The following ENGASE variants were observed in gnomAD, a reference collection of about 807,000 sequenced individuals.
ENGASE encodes the protein cytosolic endo-beta-N-acetylglucosaminidase.
In ENGASE, 69 loss-of-function variants were observed where a neutral mutation model predicts 78.5. The observed-to-expected ratio is 0.88, with a 90% confidence interval of 0.72 to 1.07. The LOEUF (loss-of-function observed/expected upper bound fraction) is 1.07, where lower values mean the gene tolerates loss of function less well. ENGASE is among the 50% of genes least tolerant of loss of function. ENGASE has a pLI of 0.00. For synonymous variants in ENGASE, 408 were observed against 408.9 expected, an observed-to-expected ratio of 1.00 and a Z score of 0.03; for missense variants, 943 against 988.4, an observed-to-expected ratio of 0.95 and a Z score of 0.62.
rs760147289 is a variant in ENGASE at position 79,077,743 on chromosome 17, C to T, written c.295C>T (p.Arg99Cys). 2.5e-5 allele frequency: 41 copies of T among 1,614,066 alleles called. No homozygotes were observed. Among genetic ancestry groups the T allele is most frequent in the Non-Finnish European group, 2.9e-5 (34 of 1,180,050 alleles). The change falls in exon 3 of 14, where the codon CGC becomes TGC. Residue 99 changes from arginine to cysteine, a missense_variant. Coordinates refer to ENST00000579016, the MANE Select transcript of ENGASE (RefSeq NM_001042573.3). Reference protein sequence around the residue: ...SLEELLAWKPRLEDGFNVALE... With the variant: ...SLEELLAWKPCLEDGFNVALE... Reference sequence around the variant, plus strand: ...GGAGGAGCTCTTGGCGTGGAAGCCCCGCTTGGAGGATGGCTTTAATGTGGC... The same window carrying T: ...GGAGGAGCTCTTGGCGTGGAAGCCCTGCTTGGAGGATGGCTTTAATGTGGC...
At chr17:79,085,887 C>A in intron 13 of ENGASE, 46 bp from the exon 14 acceptor site, 1 of 1,573,542 alleles carries the variant, frequency 6.4e-7, no homozygotes, top group South Asian at 1.2e-5. Flanking sequence ...GGCACCCTCT[C>A]CCCGCCCCCG....
chr17:79,079,715 C>G, intron 4 of ENGASE, 78 bp downstream of exon 4: 2 of 1,543,872 alleles, frequency 1.3e-6, no homozygotes, highest in Non-Finnish European at 1.7e-6. Flanking sequence ...TTAGGAGGCA[C>G]GGGCTTTGCC....
In ENGASE at chr17:79,083,398, G is replaced by C. The variant is rs1271506702; in HGVS notation, c.1143-84G>C. ...GTCTTGGAGGGTGCAGGAGAGCCTC[G>C]AGTTTCCACCAGCAAGTTTGAGGGA... On this transcript the variant is annotated intron_variant, in intron 8 of 13. Coordinates refer to ENST00000579016, the MANE Select transcript of ENGASE (RefSeq NM_001042573.3). The surrounding 1 kb of genome is among the most constrained non-coding windows in gnomAD (Gnocchi z 4.9). 3 of 1,065,096 alleles carry C rather than the reference G, an allele frequency of 2.8e-6. No individual in the cohort carries two copies. Among genetic ancestry groups the C allele is most frequent in the Non-Finnish European group, 2.8e-6 (2 of 712,032 alleles). 66.0% of individuals were successfully genotyped at this position (1,065,096 alleles called of 1,614,324 possible). A position where few individuals can be genotyped will look rare whatever the true frequency, so the allele number is the denominator to read the frequency against.
intron 7 of ENGASE, chr17:79,082,691 C>T (rs777144325): frequency 2.2e-6 from 3 of 1,341,648 alleles, no homozygotes; most frequent in South Asian, 1.2e-5. Context: ...AACTAAAGAG[C>T]CTCTTTACTG....
Position 79,074,991 on chromosome 17 carries a change from G to A in ENGASE, c.47G>A (p.Arg16Gln). 1 of 1,229,022 alleles carries A rather than the reference G, an allele frequency of 8.1e-7. No individual in the cohort carries two copies. The highest frequency in any genetic ancestry group is 1.0e-6 in the Non-Finnish European group (1 of 985,144). 76.1% of individuals were successfully genotyped at this position (1,229,022 alleles called of 1,614,324 possible). A position where few individuals can be genotyped will look rare whatever the true frequency, so the allele number is the denominator to read the frequency against. ...VTVTRSATRR[R>Q]RRQLQGLAAP... ...GTCACCCGGTCGGCTACACGGCGGCGGCGGCGGCAGCTGCAGGGGCTGGCG... is the reference window on the plus strand; with the variant it reads ...GTCACCCGGTCGGCTACACGGCGGCAGCGGCGGCAGCTGCAGGGGCTGGCG... The change falls in exon 1 of 14, where the codon CGG becomes CAG. Residue 16 changes from arginine (R) to glutamine (Q), a missense_variant. Physicochemically the swap from Arg to Gln is conservative, Grantham distance 43 (BLOSUM62 1). Transcript: ENST00000579016.
In ENGASE at chr17:79,081,508, G is replaced by A. The variant is rs1298785369; in HGVS notation, c.873-390G>A. On this transcript the variant is annotated intron_variant, in intron 6 of 13. Coordinates refer to ENST00000579016, the MANE Select transcript of ENGASE (RefSeq NM_001042573.3). ...CAGAGCGAGACTCTGTCTCAAAAAG[G>A]CAGAGTTCTCTTAACATCCTGAGCC... Among the ~76,000 whole-genome samples, 4 of 152,050 alleles carry A rather than the reference G, an allele frequency of 2.6e-5. No individual in the cohort carries two copies. In the South Asian group the frequency reaches 8.3e-4, roughly 32 times the overall value.
Position 79,077,664 on chromosome 17 carries a change from TAGA to T in ENGASE, c.217_219del (p.Arg73del). The stretch of plus-strand genomic sequence containing the variant: ...TCAATGTTTCTGTCCTCGGACCAGT[TAGA>T]TATTATGACAAGGACACCACCAAAC... On this transcript the variant is annotated inframe_deletion and splice_region_variant, in exon 3 of 14. Transcript: ENST00000579016. 1 of 1,614,168 alleles carries T rather than the reference TAGA, an allele frequency of 6.2e-7. No individual in the cohort carries two copies. Among genetic ancestry groups the T allele is most frequent in the Non-Finnish European group, 8.5e-7 (1 of 1,180,002 alleles).
Position 79,075,066 on chromosome 17 carries a change from C to CGCGGCG in ENGASE, c.131_136dup (p.Arg44_Arg45dup), listed in dbSNP as rs1321473205. 2 of 1,203,440 alleles carry CGCGGCG rather than the reference C, an allele frequency of 1.7e-6. No homozygotes were observed. Among genetic ancestry groups the CGCGGCG allele is most frequent in the African/African-American group, 3.2e-5 (2 of 63,408 alleles). The allele number at this position is 1,203,440 out of a possible 1,614,324, so 74.5% of individuals were successfully genotyped here. On this transcript the variant is annotated inframe_insertion, in exon 1 of 14. Coordinates refer to ENST00000579016, the MANE Select transcript of ENGASE (RefSeq NM_001042573.3). The stretch of plus-strand genomic sequence containing the variant: ...GAGCAGGAGGATCAGGAGCCGCGGC[C>CGCGGCG]GCGGCGGCGGCGGCCGGGAAGGAGG...
In ENGASE at chr17:79,087,030, G is replaced by T. The variant is rs755933900; in HGVS notation, c.*681G>T. ...TGCTGCTGAGTGTGAGGTCATCTCCGGAGCGTTTTCAGCAGCCCCTGGCTC... is the reference window on the plus strand; with the variant it reads ...TGCTGCTGAGTGTGAGGTCATCTCCTGAGCGTTTTCAGCAGCCCCTGGCTC... On this transcript the variant is annotated 3_prime_UTR_variant, in exon 14 of 14. Transcript: ENST00000579016. 1 of 495,656 alleles carries T rather than the reference G, an allele frequency of 2.0e-6. No individual in the cohort carries two copies. The highest frequency in any genetic ancestry group is 4.0e-6 in the Non-Finnish European group (1 of 248,626). 30.7% of individuals were successfully genotyped at this position (495,656 alleles called of 1,614,324 possible). A position where few individuals can be genotyped will look rare whatever the true frequency, so the allele number is the denominator to read the frequency against.
intron 3 of ENGASE, among the ~76,000 whole-genome samples, chr17:79,078,504 C>G (rs1408402854): frequency 1.3e-5 from 2 of 152,172 alleles, no homozygotes; most frequent in African/African-American, 4.8e-5. Flanking sequence ...TGTCCGCAGC[C>G]TCACCCCCTC....
rs576177650 is a variant in ENGASE, at chr17:79,084,063, C to T, written c.1442+112C>T. 27 of 934,208 alleles carry T rather than the reference C, an allele frequency of 2.9e-5. No homozygotes were observed. The East Asian group carries it at 6.9e-4, about 24-fold the overall frequency. The allele number at this position is 934,208 out of a possible 1,614,324, so 57.9% of individuals were successfully genotyped here. A position where few individuals can be genotyped will look rare whatever the true frequency, so the allele number is the denominator to read the frequency against. Reference sequence around the variant, plus strand: ...GCCAGAACAAGGACAGAGGACAGACCCAGATGGGTTTTTTAAAATTGTGAT... The same window carrying T: ...GCCAGAACAAGGACAGAGGACAGACTCAGATGGGTTTTTTAAAATTGTGAT... On this transcript the variant is annotated intron_variant, in intron 10 of 13. Transcript: ENST00000579016.
At chr17:79,080,446 C>T in intron 5 of ENGASE, 82 bp downstream of exon 5, 1 of 1,528,562 alleles carries the variant, frequency 6.5e-7, no homozygotes, top group Non-Finnish European at 8.9e-7. Flanking sequence ...TTGGCCTCAC[C>T]TCGCCCCACG....
intron 5 of ENGASE, 57 bp downstream of exon 5, chr17:79,080,421 C>T (rs2145984558): frequency 6.3e-7 from 1 of 1,587,714 alleles, no homozygotes; most frequent in Non-Finnish European, 8.6e-7. Context: ...CGCCCACCTC[C>T]ACCTCTTTCC....
rs2072934979 is a variant in ENGASE at position 79,075,081 on chromosome 17, C to A, written c.137C>A (p.Pro46Gln). 3 of 1,207,016 alleles carry A rather than the reference C, an allele frequency of 2.5e-6. No individual in the cohort carries two copies. The highest frequency in any genetic ancestry group is 3.1e-6 in the Non-Finnish European group (3 of 970,936). 74.8% of individuals were successfully genotyped at this position (1,207,016 alleles called of 1,614,324 possible). Residue 46 changes from proline (P) to glutamine (Q), a missense_variant, in exon 1 of 14, where the codon CCG (proline) becomes CAG (glutamine). Pro to Gln is a moderately conservative substitution (Grantham distance 76). Coordinates refer to ENST00000579016, the MANE Select transcript of ENGASE (RefSeq NM_001042573.3). ...GAGCCGCGGCCGCGGCGGCGGCGGC[C>A]GGGAAGGAGGTGGGGCTGCGGGGCC... is the stretch of plus-strand genomic sequence containing the variant. Reference protein sequence around the residue: ...DQEPRPRRRRPGRSIKDEEEE... With the variant: ...DQEPRPRRRRQGRSIKDEEEE...
chr17:79,086,717 T>A lies in ENGASE; in HGVS notation c.*368T>A, dbSNP rs1721659958. 2.6e-6 allele frequency: 1 copy of A among 385,950 alleles called. No individual in the cohort carries two copies. The highest frequency in any genetic ancestry group is 2.1e-5 in the African/African-American group (1 of 48,066). 23.9% of individuals were successfully genotyped at this position (385,950 alleles called of 1,614,324 possible). On this transcript the variant is annotated 3_prime_UTR_variant, in exon 14 of 14. Coordinates refer to ENST00000579016, the MANE Select transcript of ENGASE (RefSeq NM_001042573.3). ...TGCAAGATGCTGATGCCGAGAATGA[T>A]GATTTTCTTTCCTGCAGATGAAACT...
In ENGASE at chr17:79,085,942, G is replaced by A. The variant is rs1342108897; in HGVS notation, c.1825G>A (p.Ala609Thr). 1.9e-6 allele frequency: 3 copies of A among 1,595,692 alleles called. No homozygotes were observed. Among genetic ancestry groups the A allele is most frequent in the Non-Finnish European group, 8.5e-7 (1 of 1,174,690 alleles). The change falls in exon 14 of 14, where the codon GCT (alanine) becomes ACT (threonine). Residue 609 changes from alanine to threonine, a missense_variant. Physicochemically the swap from Ala to Thr is moderately conservative, Grantham distance 58 (BLOSUM62 0). Coordinates refer to ENST00000579016, the MANE Select transcript of ENGASE (RefSeq NM_001042573.3). Reference sequence around the variant, plus strand: ...CCTTCTCTCCTGCCAGGTGGTGGACGCTGCCAGCCTGCTGGCCCCTCTGCC... The same window carrying A: ...CCTTCTCTCCTGCCAGGTGGTGGACACTGCCAGCCTGCTGGCCCCTCTGCC... ...CRLGEIQVVD[A>T]ASLLAPLPQV...
intron 4 of ENGASE, among the ~76,000 whole-genome samples, chr17:79,079,926 T>A (rs916560367): frequency 9.9e-5 from 15 of 152,200 alleles, no homozygotes; most frequent in African/African-American, 3.4e-4. Flanking sequence ...CAAACACAGG[T>A]AGTAGTGGGC....
At chr17:79,082,942 C>T in intron 7 of ENGASE, 78 bp from the exon 8 acceptor site, 2 of 1,584,940 alleles carry the variant, frequency 1.3e-6, no homozygotes, top group South Asian at 1.1e-5. Context: ...CTGAGAGCCC[C>T]AACCCACGTC....
At position 79,087,796 on chromosome 17, in the gene ENGASE, A is replaced by G. The variant is rs2073371634; in HGVS notation, c.*1447A>G. ...TGGCAGCACAGCCACACCCGTTCCC[A>G]CGTCAGAGGAGGGCAAGGCTGGGTA... On this transcript the variant is annotated 3_prime_UTR_variant, in exon 14 of 14. Transcript: ENST00000579016. The G allele has an allele frequency of 6.6e-6, 1 of 152,158 alleles. No homozygotes were observed. Among genetic ancestry groups the G allele is most frequent in the Admixed American group, 6.5e-5 (1 of 15,274 alleles). 9.4% of individuals were successfully genotyped at this position (152,158 alleles called of 1,614,324 possible).
Sources: allele counts gnomAD v4.1 joint callset (sites outside exome capture counted in the v4.1 genomes callset), GRCh38; gene constraint gnomAD v4.1.1; non-coding constraint Gnocchi (gnomAD v3.1); transcripts MANE v1.5; gene names NCBI Gene and HGNC (gene_info 2026-07-23, HGNC 2026-07-21).